PHKB: variants seen among roughly 807,000 people sequenced by gnomAD.
PHKB encodes the protein phosphorylase b kinase regulatory subunit beta.
Under a neutral mutation model 152.1 loss-of-function variants are expected in PHKB, and 122 were observed. The ratio of observed to expected loss-of-function variants is 0.80; its 90% CI spans 0.69 to 0.93. The LOEUF (loss-of-function observed/expected upper bound fraction) is 0.93, where lower values mean the gene tolerates loss of function less well. Among genes scored for constraint, PHKB ranks in the 40% least tolerant of loss-of-function variants. The pLI, the probability that PHKB is intolerant of heterozygous loss-of-function variation, is 0.00. For missense variants in PHKB, 1,304 were observed against 1,328.4 expected (o/e 0.98, Z 0.29); for synonymous variants, 436 against 464.9 (o/e 0.94, Z 0.80).
chr16:47,482,016 C>G (rs1969972040), intron 1 of PHKB, among the ~76,000 whole-genome samples: 1 of 152,200 alleles, frequency 6.6e-6, no homozygotes, highest in East Asian at 1.9e-4. Context: ...GGCAGTTTCT[C>G]TCTTTTACTT....
intron 4 of PHKB, among the ~76,000 whole-genome samples, chr16:47,504,295 A>G (rs190724506): frequency 1.6e-4 from 25 of 152,342 alleles, no homozygotes; most frequent in Admixed American, 1.6e-3. Flanking sequence ...GTTCAATAGA[A>G]GCTTGAGATT....
rs775138047 is a variant in PHKB at position 47,551,107 on chromosome 16, T to G, written c.710+3559T>G. Among the ~76,000 whole-genome samples, 76 of 152,304 alleles carry G rather than the reference T, an allele frequency of 5.0e-4. 1 individual carries two copies. The highest frequency in any genetic ancestry group is 1.1e-3 in the Admixed American group (17 of 15,302). ...TTGTGTCTATTTGATTCTTCTCTCTTTTCTTCTTTATTAGTCTTGGTAGTG... is the reference window on the plus strand; with the variant it reads ...TTGTGTCTATTTGATTCTTCTCTCTGTTCTTCTTTATTAGTCTTGGTAGTG... On this transcript the variant is annotated intron_variant, in intron 7 of 30. Coordinates refer to ENST00000323584, the MANE Select transcript of PHKB (RefSeq NM_000293.3).
chr16:47,475,827 C>T (rs1316312670), intron 1 of PHKB, among the ~76,000 whole-genome samples: 1 of 152,044 alleles, frequency 6.6e-6, no homozygotes, highest in East Asian at 1.9e-4. Context: ...GACAGTTTTC[C>T]TGTTCAAATT....
intron 25 of PHKB, among the ~76,000 whole-genome samples, chr16:47,666,729 G>A (rs1455398120): frequency 1.3e-5 from 2 of 152,224 alleles, no homozygotes; most frequent in Non-Finnish European, 2.9e-5. Context: ...TGCCCAGCAT[G>A]GGGCCTTGTT....
chr16:47,588,578 TAG>T (rs889076070), intron 9 of PHKB, among the ~76,000 whole-genome samples: 1 of 152,206 alleles, frequency 6.6e-6, no homozygotes, highest in Admixed American at 6.5e-5. Flanking sequence ...GTTGGACATT[TAG>T]GTTGTTTCCT....
At chr16:47,680,725 G>A (rs1973835810) in intron 26 of PHKB, among the ~76,000 whole-genome samples, 1 of 152,032 alleles carries the variant, frequency 6.6e-6, no homozygotes, top group Non-Finnish European at 1.5e-5. Context: ...ACCAGCTCCT[G>A]GATTCATTAA....
intron 26 of PHKB, among the ~76,000 whole-genome samples, chr16:47,673,938 A>G (rs570122614): frequency 2.6e-5 from 4 of 152,248 alleles, no homozygotes; most frequent in African/African-American, 9.6e-5. Flanking sequence ...TGGGATTTAC[A>G]CCCAGGTCTG....
In PHKB at chr16:47,485,120, A is replaced by G. The variant is rs545919927; in HGVS notation, c.77-12279A>G. ...TCCACACTGTATTTAGTCTTTCATA[A>G]TCATATAGAACTACCTTATTCCTTA... On this transcript the variant is annotated intron_variant, in intron 1 of 30. Coordinates refer to ENST00000323584, the MANE Select transcript of PHKB (RefSeq NM_000293.3). Among the ~76,000 whole-genome samples, 10 of 152,314 alleles carry G rather than the reference A, an allele frequency of 6.6e-5. No homozygotes were observed. In the East Asian group the frequency reaches 1.9e-3, roughly 29 times the overall value.
intron 1 of PHKB, among the ~76,000 whole-genome samples, chr16:47,478,989 T>C (rs1009672940): frequency 6.6e-6 from 1 of 152,184 alleles, no homozygotes; most frequent in Admixed American, 6.5e-5. Flanking sequence ...TTGGTGTTGG[T>C]TTTATGCTTA....
At chr16:47,653,165 C>G (rs1479440328) in intron 20 of PHKB, among the ~76,000 whole-genome samples, 3 of 152,090 alleles carry the variant, frequency 2.0e-5, no homozygotes, top group Non-Finnish European at 4.4e-5. Flanking sequence ...CATCTCTAAC[C>G]TCATGACCAA....
intron 6 of PHKB, among the ~76,000 whole-genome samples, chr16:47,524,747 G>A (rs559581474): frequency 4.6e-5 from 7 of 152,170 alleles, no homozygotes; most frequent in Non-Finnish European, 8.8e-5. Flanking sequence ...AGGGGCTAAC[G>A]TTAGTATTCA....
At chr16:47,622,304 G>A (rs906706312) in intron 14 of PHKB, among the ~76,000 whole-genome samples, 1 of 152,096 alleles carries the variant, frequency 6.6e-6, no homozygotes, top group African/African-American at 2.4e-5. Context: ...AAGGTCTAGT[G>A]ATCTTTGAAG....
rs761346795 is a variant in PHKB at position 47,693,360 on chromosome 16, A to G, written c.2766-18A>G. ...CAAGCTTGTTCTTCAACTCTGAGACATTTGCCTTTTGTTACAGATGTTGGC... is the reference window on the plus strand; with the variant it reads ...CAAGCTTGTTCTTCAACTCTGAGACGTTTGCCTTTTGTTACAGATGTTGGC... On this transcript the variant is annotated intron_variant, in intron 27 of 30. Coordinates refer to ENST00000323584, the MANE Select transcript of PHKB (RefSeq NM_000293.3). 3 of 1,613,748 alleles carry G rather than the reference A, an allele frequency of 1.9e-6. No individual in the cohort carries two copies. The highest frequency in any genetic ancestry group is 2.2e-5 in the South Asian group (2 of 91,068).
chr16:47,462,447 A>G (rs1969582930), intron 1 of PHKB: 1 of 152,230 alleles, frequency 6.6e-6, no homozygotes, highest in African/African-American at 2.4e-5. Context: ...CAGCCTGGCC[A>G]ACCTGGTAAA....
At chr16:47,473,054 G>T (rs868323690) in intron 1 of PHKB, among the ~76,000 whole-genome samples, 300 of 145,426 alleles carry the variant, frequency 2.1e-3, no homozygotes, top group Middle Eastern at 6.9e-3. Context: ...TTTTTTTTTT[G>T]TTTGTTTGTT....
At chr16:47,650,965 A>C (rs550928207) in intron 20 of PHKB, 44 bp downstream of exon 20, 1 of 1,261,074 alleles carries the variant, frequency 7.9e-7, no homozygotes, top group East Asian at 2.3e-5. Context: ...CAGGACAGTT[A>C]ATCTACAATA....
intron 7 of PHKB, among the ~76,000 whole-genome samples, chr16:47,552,959 C>T (rs1971300609): frequency 6.6e-6 from 1 of 152,090 alleles, no homozygotes; most frequent in Non-Finnish European, 1.5e-5. Flanking sequence ...CTCTGGCTGC[C>T]CTTAACATTT....
chr16:47,699,265 G>A lies in PHKB; in HGVS notation c.3181G>A (p.Gly1061Arg), dbSNP rs757144520. The change falls in exon 31 of 31, where the codon GGA becomes AGA. Residue 1061 changes from glycine (G) to arginine (R), a missense_variant. Coordinates refer to ENST00000323584, the MANE Select transcript of PHKB (RefSeq NM_000293.3). Reference sequence around the variant, plus strand: ...TTCCTTTTACAACACTCCTCCCCTGGGAAAAAGAGGAACATGCAGCTATTT... The same window carrying A: ...TTCCTTTTACAACACTCCTCCCCTGAGAAAAAGAGGAACATGCAGCTATTT... The part of the protein sequence containing the change: ...MTSFYNTPPL[G>R]KRGTCSYLTK... 2 of 1,613,922 alleles carry A rather than the reference G, an allele frequency of 1.2e-6. No homozygotes were observed. Among genetic ancestry groups the A allele is most frequent in the Admixed American group, 1.7e-5 (1 of 60,016 alleles).
chr16:47,605,844 T>C (rs975231240), intron 13 of PHKB, among the ~76,000 whole-genome samples: 4 of 152,186 alleles, frequency 2.6e-5, no homozygotes, highest in African/African-American at 9.7e-5. Context: ...ACCTATGTTA[T>C]GTAGAATGTC....
Sources: allele counts gnomAD v4.1 joint callset (sites outside exome capture counted in the v4.1 genomes callset), GRCh38; gene constraint gnomAD v4.1.1; transcripts MANE v1.5; gene names NCBI Gene and HGNC (gene_info 2026-07-23, HGNC 2026-07-21).